CALCRL: variants seen among roughly 807,000 people sequenced by gnomAD.
CALCRL encodes calcitonin gene-related peptide type 1 receptor.
In CALCRL, 27 loss-of-function variants were observed where a neutral mutation model predicts 60.4. The ratio of observed to expected loss-of-function variants is 0.45; its 90% confidence interval spans 0.33 to 0.62. The LOEUF is 0.62. Among genes scored for constraint, CALCRL ranks in the 20% least tolerant of loss-of-function variants. The pLI, the probability that CALCRL is intolerant of heterozygous loss-of-function variation, is 0.03. For missense variants in CALCRL, 424 were observed against 540.7 expected (o/e 0.78, Z 2.14); for synonymous variants, 190 against 182.6 (o/e 1.04, Z -0.33).
intron 1 of CALCRL, among the ~76,000 whole-genome samples, chr2:187,415,206 G>A (rs980492473): frequency 6.6e-6 from 1 of 152,164 alleles, no homozygotes; most frequent in Admixed American, 6.5e-5. Context: ...TCCACACTAA[G>A]TAAATGCTTA....
At chr2:187,430,455 AGTT>A (rs1337797184) in intron 1 of CALCRL, among the ~76,000 whole-genome samples, 1 of 152,212 alleles carries the variant, frequency 6.6e-6, no homozygotes, top group Non-Finnish European at 1.5e-5. Flanking sequence ...TCTAAAAACA[AGTT>A]AATGCAGGAC....
intron 9 of CALCRL, among the ~76,000 whole-genome samples, chr2:187,362,990 T>A (rs115371871): frequency 1.5e-4 from 23 of 152,140 alleles, no homozygotes; most frequent in African/African-American, 5.5e-4. Flanking sequence ...TTCATTTGGA[T>A]TGAATAAATA....
intron 1 of CALCRL, among the ~76,000 whole-genome samples, chr2:187,405,605 T>C (rs1689083092): frequency 6.6e-6 from 1 of 152,056 alleles, no homozygotes; most frequent in South Asian, 2.1e-4. Flanking sequence ...GACTTGTGTA[T>C]TTGCATTATT....
At chr2:187,368,583 G>A (rs999376401) in intron 8 of CALCRL, among the ~76,000 whole-genome samples, 1 of 151,994 alleles carries the variant, frequency 6.6e-6, no homozygotes. Flanking sequence ...TCAAATTTCT[G>A]CCACTAGTAT....
At chr2:187,397,155 A>C (rs1688693072) in intron 1 of CALCRL, among the ~76,000 whole-genome samples, 1 of 151,774 alleles carries the variant, frequency 6.6e-6, no homozygotes, top group African/African-American at 2.4e-5. Context: ...AATTTTTGTA[A>C]ATATAAGTAA....
chr2:187,357,168 A>G (rs535405641), intron 12 of CALCRL, among the ~76,000 whole-genome samples: 2 of 152,276 alleles, frequency 1.3e-5, no homozygotes, highest in Admixed American at 6.5e-5. Context: ...TACCCAAAGG[A>G]TTATAAATCA....
intron 12 of CALCRL, among the ~76,000 whole-genome samples, chr2:187,357,089 G>A (rs1224993932): frequency 6.6e-6 from 1 of 152,148 alleles, no homozygotes; most frequent in Non-Finnish European, 1.5e-5. Flanking sequence ...GTGGAAGACA[G>A]TATGGTGACT....
At position 187,363,415 on chromosome 2, in the gene CALCRL, A is replaced by G; in HGVS notation, c.588T>C (p.Thr196=). 2 of 1,612,740 alleles carry G rather than the reference A, an allele frequency of 1.2e-6. No individual in the cohort carries two copies. The highest frequency in any genetic ancestry group is 1.7e-6 in the Non-Finnish European group (2 of 1,179,276). Residue 196 remains threonine, a synonymous_variant, in exon 9 of 15, where the codon ACT becomes ACC. Coordinates refer to ENST00000392370, the MANE Select transcript of CALCRL (RefSeq NM_005795.6). Reference sequence around the variant, plus strand: ...CTAAGGCCTGGTTGTTGGCCACTGCAGTGAGGTGAATGATTGTTACAACAG... The same window carrying G: ...CTAAGGCCTGGTTGTTGGCCACTGCGGTGAGGTGAATGATTGTTACAACAG... ...CNSVVTIIHL[T]AVANNQALVA...
intron 1 of CALCRL, among the ~76,000 whole-genome samples, chr2:187,412,404 C>T (rs1424599417): frequency 6.6e-6 from 1 of 152,162 alleles, no homozygotes; most frequent in Non-Finnish European, 1.5e-5. Context: ...GCTCCAGTCT[C>T]ATTATGGCAT....
At chr2:187,356,834 T>G (rs1559039938) in intron 12 of CALCRL, among the ~76,000 whole-genome samples, 1 of 152,066 alleles carries the variant, frequency 6.6e-6, no homozygotes, top group African/African-American at 2.4e-5. Context: ...CATCAAAAAG[T>G]GGGCAAATGA....
At position 187,376,849 on chromosome 2, in the gene CALCRL, TATGAC is replaced by T. The variant is rs200844576; in HGVS notation, c.500+2086_500+2090del. On this transcript the variant is annotated intron_variant, in intron 8 of 14. Transcript: ENST00000392370. ...TTTAATGTGCTCGGATATTTCAACT[TATGAC>T]ATGCAAAATAAAAAGAGACCATTTA... Among the ~76,000 whole-genome samples the T allele has an allele frequency of 6.8e-3, 1,036 of 152,220 alleles. 7 individuals are homozygous for T. The highest frequency in any genetic ancestry group is 6.8e-3 in the Middle Eastern group (2 of 294).
chr2:187,378,124 AAGAAGG>A (rs972145203), intron 8 of CALCRL, among the ~76,000 whole-genome samples: 1 of 151,856 alleles, frequency 6.6e-6, no homozygotes, highest in African/African-American at 2.4e-5. Flanking sequence ...GAAGAACAAG[AAGAAGG>A]AGAAGGAGAA....
intron 12 of CALCRL, among the ~76,000 whole-genome samples, chr2:187,357,222 C>T (rs944789498): frequency 1.3e-5 from 2 of 152,044 alleles, no homozygotes; most frequent in Admixed American, 6.6e-5. Context: ...TCTTGCAGCA[C>T]TATTCACAAT....
chr2:187,441,236 A>G (rs1217652704), intron 1 of CALCRL, among the ~76,000 whole-genome samples: 1 of 152,050 alleles, frequency 6.6e-6, no homozygotes, highest in Non-Finnish European at 1.5e-5. Flanking sequence ...TTGATGTTTC[A>G]TCAATAACTG....
At chr2:187,396,721 T>C (rs143488073) in intron 1 of CALCRL, among the ~76,000 whole-genome samples, 127 of 151,916 alleles carry the variant, frequency 8.4e-4, no homozygotes, top group African/African-American at 3.0e-3. Context: ...CTAGAAAGTA[T>C]TTTATTTTTG....
At chr2:187,359,323 G>C (rs760333667) in intron 10 of CALCRL, 51 bp from the exon 11 acceptor site, 17 of 1,328,824 alleles carry the variant, frequency 1.3e-5, no homozygotes, top group Non-Finnish European at 1.7e-5. Flanking sequence ...TCTACAGATG[G>C]TATTTCAAAA....
Position 187,360,652 on chromosome 2 carries a change from C to G in CALCRL, c.727G>C (p.Val243Leu). ...TGTTGCTTCTCTGCAAACACGGCCA[C>G]CACAATGAGTGTGTGTAGGTAAATG... ...EGIYLHTLIV[V>L]AVFAEKQHLM... is the part of the protein sequence containing the mutation. Residue 243 changes from valine (V) to leucine (L), a missense_variant, in exon 10 of 15, where the codon GTG becomes CTG. Val to Leu is a conservative substitution (Grantham distance 32). Around this residue, in one of 7 missense-constraint regions of CALCRL, gnomAD observed 222 missense variants for 265.6 expected, o/e 0.84. Coordinates refer to ENST00000392370, the MANE Select transcript of CALCRL (RefSeq NM_005795.6). 1 of 1,612,710 alleles carries G rather than the reference C, an allele frequency of 6.2e-7. No individual in the cohort carries two copies. The highest frequency in any genetic ancestry group is 8.5e-7 in the Non-Finnish European group (1 of 1,179,216).
intron 8 of CALCRL, among the ~76,000 whole-genome samples, chr2:187,369,767 A>G (rs2105752281): frequency 6.6e-6 from 1 of 152,318 alleles, no homozygotes; most frequent in South Asian, 2.1e-4. Context: ...AGAAATTAAA[A>G]CAGGACTAAG....
chr2:187,403,133 A>G (rs1688966111), intron 1 of CALCRL, among the ~76,000 whole-genome samples: 1 of 151,826 alleles, frequency 6.6e-6, no homozygotes, highest in African/African-American at 2.4e-5. Flanking sequence ...TTTACCCACC[A>G]AGTCTATGGC....
Sources: allele counts gnomAD v4.1 joint callset (sites outside exome capture counted in the v4.1 genomes callset), GRCh38; gene constraint gnomAD v4.1.1; regional missense constraint gnomAD v4.1.1; transcripts MANE v1.5; gene names NCBI Gene and HGNC (gene_info 2026-07-23, HGNC 2026-07-21).